Variants in MYH11 observed in about 807,000 individuals in gnomAD.
MYH11 encodes myosin heavy chain 11, also known as myosin-11.
MYH11 carries 80 observed loss-of-function variants against 246.6 expected under a neutral mutation model. The observed-to-expected ratio is 0.32, with a 90% confidence interval of 0.27 to 0.39. MYH11 has a LOEUF of 0.39. Ranked by LOEUF, MYH11 falls within the 10% of genes least tolerant of loss-of-function variation. The pLI, the probability that MYH11 is intolerant of heterozygous loss-of-function variation, is 1.00. For missense variants in MYH11, 2,158 were observed against 2,546.8 expected (o/e 0.85, Z 3.29); for synonymous variants, 1,071 against 1,015.5 (o/e 1.05, Z -1.04).
chr16:15,733,385 C>G (rs770238113), intron 26 of MYH11, among the ~76,000 whole-genome samples: 1 of 152,150 alleles, frequency 6.6e-6, no homozygotes, highest in East Asian at 1.9e-4. Flanking sequence ...AGGTGCCCAC[C>G]ACCACGCCCG....
intron 4 of MYH11, among the ~76,000 whole-genome samples, chr16:15,790,546 G>C (rs777813976): frequency 6.6e-6 from 1 of 152,154 alleles, no homozygotes; most frequent in Non-Finnish European, 1.5e-5. Context: ...GCTCGTGGGC[G>C]TCTGAAGGTT....
intron 3 of MYH11, among the ~76,000 whole-genome samples, chr16:15,813,600 G>A (rs1364752390): frequency 6.6e-6 from 1 of 152,108 alleles, no homozygotes; most frequent in Non-Finnish European, 1.5e-5. Flanking sequence ...GAAGGCATGA[G>A]AGAATTCCCA....
Position 15,703,790 on chromosome 16 carries a change from G to A in MYH11, c.*201C>T, listed in dbSNP as rs2039308103. 1 of 698,448 alleles carries A rather than the reference G, an allele frequency of 1.4e-6. No individual in the cohort carries two copies. 43.3% of individuals were successfully genotyped at this position (698,448 alleles called of 1,614,324 possible). Reference sequence around the variant, plus strand: ...TCTTGTATAGATGAGGTTTTACTACGTTGCCCAGGCTGGAGGGTGGTGGTT... The same window carrying A: ...TCTTGTATAGATGAGGTTTTACTACATTGCCCAGGCTGGAGGGTGGTGGTT... On this transcript the variant is annotated 3_prime_UTR_variant, in exon 41 of 41. Coordinates refer to ENST00000300036, the MANE Select transcript of MYH11 (RefSeq NM_002474.3).
chr16:15,754,061 A>T (rs188421652), intron 14 of MYH11, among the ~76,000 whole-genome samples: 389 of 151,832 alleles, frequency 2.6e-3, no homozygotes, highest in African/African-American at 7.2e-3. Flanking sequence ...CAAAAAAAAA[A>T]AAAAAATTAG....
At chr16:15,797,327 T>G (rs1345874586) in intron 4 of MYH11, among the ~76,000 whole-genome samples, 4 of 152,122 alleles carry the variant, frequency 2.6e-5, no homozygotes, top group African/African-American at 4.8e-5. Flanking sequence ...TGCACGTCCA[T>G]GCAATCCTGC....
chr16:15,719,819 C>T, intron 34 of MYH11, 106 bp from the exon 35 acceptor site: 4 of 1,498,024 alleles, frequency 2.7e-6, no homozygotes, highest in East Asian at 4.5e-5. Flanking sequence ...TGCAGTTGAC[C>T]ACAAAGAAGT....
intron 3 of MYH11, among the ~76,000 whole-genome samples, chr16:15,802,925 T>C (rs546729332): frequency 1.4e-4 from 22 of 152,020 alleles, no homozygotes; most frequent in Non-Finnish European, 2.5e-4. Flanking sequence ...TCACCTGAGG[T>C]CAGGAGTTCG....
intron 27 of MYH11, among the ~76,000 whole-genome samples, chr16:15,730,635 C>G (rs994144169): frequency 2.0e-5 from 3 of 152,100 alleles, no homozygotes; most frequent in African/African-American, 7.2e-5. Flanking sequence ...ATGCAAATTC[C>G]CCAAAATTTT....
chr16:15,753,574 C>T, intron 14 of MYH11, 66 bp from the exon 15 acceptor site: 2 of 1,192,632 alleles, frequency 1.7e-6, no homozygotes, highest in Non-Finnish European at 2.5e-6. Context: ...AAGGCCAGGA[C>T]CCCAGCCCTC....
chr16:15,763,741 T>TCGGCCGCC, intron 10 of MYH11, 55 bp downstream of exon 10: 1 of 646,862 alleles, frequency 1.5e-6, no homozygotes. Context: ...AAATGTCACC[T>TCGGCCGCC]CCCCCACCCC....
intron 1 of MYH11, among the ~76,000 whole-genome samples, chr16:15,845,413 C>A (rs183258103): frequency 1.8e-3 from 177 of 99,474 alleles, no homozygotes; most frequent in African/African-American, 6.3e-3. Context: ...AGATAGGACA[C>A]CCCTGATCTA....
rs1385302637 is a variant in MYH11, at chr16:15,750,185, T to C, written c.2011A>G (p.Thr671Ala). 6.2e-7 allele frequency: 1 copy of C among 1,614,228 alleles called. No homozygotes were observed. The change falls in exon 16 of 41, where the codon ACC (threonine) becomes GCC (alanine). Residue 671 changes from threonine to alanine, a missense_variant. This residue lies in a region of MYH11 where 317 missense variants were observed against 507.7 expected (regional missense o/e 0.62). Coordinates refer to ENST00000300036, the MANE Select transcript of MYH11 (RefSeq NM_002474.3). This position sits in a 1 kb window ranked among gnomAD's most constrained non-coding sequence, Gnocchi z 4.3. ...ATGCAGCGCACGAAGTTGGGCGTGG[T>C]GTTGCGTAGCGTGGTCATCAGCTTG... ...LGKLMTTLRN[T>A]TPNFVRCIIP... is the part of the protein sequence containing the mutation.
rs1443593366 is a variant in MYH11, at chr16:15,714,981, C to T, written c.5714G>A (p.Arg1905Gln). Residue 1905 changes from arginine to glutamine, a missense_variant, in exon 40 of 41, where the codon CGG (arginine) becomes CAG (glutamine). This residue lies in a region of MYH11 where 1,013 missense variants were observed against 993.5 expected (regional missense o/e 1.02). Coordinates refer to ENST00000300036, the MANE Select transcript of MYH11 (RefSeq NM_002474.3). ...GCTCTCCGTGGCCTCATCCAGCTCC[C>T]GCTGCAGCTTCCTGCGGTTGGCGTT... ...RINANRRKLQ[R>Q]ELDEATESNE... The T allele has an allele frequency of 8.1e-6, 13 of 1,613,986 alleles. No homozygotes were observed. Among genetic ancestry groups the T allele is most frequent in the East Asian group, 2.2e-5 (1 of 44,886 alleles).
intron 4 of MYH11, among the ~76,000 whole-genome samples, chr16:15,789,411 A>AT (rs1204635705): frequency 6.6e-6 from 1 of 152,186 alleles, no homozygotes; most frequent in Non-Finnish European, 1.5e-5. Flanking sequence ...CCCATCACCC[A>AT]TCCGGGGAAA....
chr16:15,833,017 C>A (rs1462355385), intron 2 of MYH11, among the ~76,000 whole-genome samples: 1 of 117,370 alleles, frequency 8.5e-6, no homozygotes, highest in Non-Finnish European at 1.6e-5. Context: ...GGCTGGAGTG[C>A]AGTGGCACAA....
intron 3 of MYH11, among the ~76,000 whole-genome samples, chr16:15,802,377 A>G (rs2042908450): frequency 6.6e-6 from 1 of 152,168 alleles, no homozygotes; most frequent in South Asian, 2.1e-4. Flanking sequence ...CAACTTGCCC[A>G]AGGTCACTAG....
In MYH11 at chr16:15,782,310, G is replaced by A. The variant is rs544647088; in HGVS notation, c.726+75C>T. 8.1e-4 allele frequency: 1,065 copies of A among 1,319,894 alleles called. 2 individuals are homozygous for A. The highest frequency in any genetic ancestry group is 9.3e-4 in the Middle Eastern group (4 of 4,292). The allele number at this position is 1,319,894 out of a possible 1,614,324, so 81.8% of individuals were successfully genotyped here. On this transcript the variant is annotated intron_variant, in intron 6 of 40. Coordinates refer to ENST00000300036, the MANE Select transcript of MYH11 (RefSeq NM_002474.3). ...TCAGATGCCCCTCCCACCTCTGCACGCAAACACTCTGCAGCCCCAGGCAGG... is the reference window on the plus strand; with the variant it reads ...TCAGATGCCCCTCCCACCTCTGCACACAAACACTCTGCAGCCCCAGGCAGG...
At position 15,717,620 on chromosome 16, in the gene MYH11, C is replaced by T. The variant is rs555364349; in HGVS notation, c.5296-272G>A. 1.8e-3 allele frequency: 989 copies of T among 564,422 alleles called. 1 individual carries two copies. The highest frequency in any genetic ancestry group is 2.2e-3 in the South Asian group (103 of 46,252). The allele number at this position is 564,422 out of a possible 1,614,324, so 35.0% of individuals were successfully genotyped here. On this transcript the variant is annotated intron_variant, in intron 37 of 40. Coordinates refer to ENST00000300036, the MANE Select transcript of MYH11 (RefSeq NM_002474.3). ...GACCTGCCTGGCCAACATGGTGAAACCCCGTCTCTATTAAAAATACAAAAA... is the reference window on the plus strand; with the variant it reads ...GACCTGCCTGGCCAACATGGTGAAATCCCGTCTCTATTAAAAATACAAAAA...
chr16:15,761,259 T>C (rs192945504), intron 10 of MYH11, among the ~76,000 whole-genome samples: 1 of 152,152 alleles, frequency 6.6e-6, no homozygotes, highest in East Asian at 1.9e-4. Context: ...TATAGGTGCC[T>C]GCCACCACAC....
Sources: allele counts gnomAD v4.1 joint callset (sites outside exome capture counted in the v4.1 genomes callset), GRCh38; gene constraint gnomAD v4.1.1; regional missense constraint gnomAD v4.1.1; non-coding constraint Gnocchi (gnomAD v3.1); transcripts MANE v1.5; gene names NCBI Gene and HGNC (gene_info 2026-07-23, HGNC 2026-07-21).